SLC29A3: variants seen among roughly 807,000 people sequenced by gnomAD.
SLC29A3 encodes the protein equilibrative nucleoside transporter 3.
SLC29A3 carries 18 observed loss-of-function variants against 25.4 expected under a neutral mutation model. The ratio of observed to expected loss-of-function variants is 0.71; its 90% CI spans 0.49 to 1.05. The LOEUF (loss-of-function observed/expected upper bound fraction) is 1.05, where lower values mean the gene tolerates loss of function less well. SLC29A3 is among the 50% of genes least tolerant of loss of function. SLC29A3 has a pLI of 0.00. For missense variants in SLC29A3, 586 were observed against 609.0 expected, an observed-to-expected ratio of 0.96 and a Z score of 0.40; for synonymous variants, 258 against 267.1, an observed-to-expected ratio of 0.97 and a Z score of 0.33.
intron 2 of SLC29A3, among the ~76,000 whole-genome samples, chr10:71,336,425 A>G (rs1205071798): frequency 1.3e-5 from 2 of 151,996 alleles, no homozygotes; most frequent in Admixed American, 1.3e-4. Context: ...GGCTGCGAGG[A>G]GGACGCTGAG....
chr10:71,359,506 C>T (rs1445403774), intron 5 of SLC29A3, among the ~76,000 whole-genome samples: 4 of 152,172 alleles, frequency 2.6e-5, no homozygotes, highest in African/African-American at 9.7e-5. Context: ...TAAGAATATT[C>T]CTTTCCGTAG....
At chr10:71,341,095 C>T (rs1846393608) in intron 2 of SLC29A3, among the ~76,000 whole-genome samples, 1 of 152,176 alleles carries the variant, frequency 6.6e-6, no homozygotes, top group African/African-American at 2.4e-5. Context: ...CAGCTCCTGC[C>T]TCTCATTGGT....
chr10:71,357,190 C>T (rs1055151168), intron 5 of SLC29A3, among the ~76,000 whole-genome samples: 3 of 152,078 alleles, frequency 2.0e-5, no homozygotes, highest in South Asian at 2.1e-4. Context: ...CAAGGCAGGC[C>T]GGATCATCAG....
In SLC29A3 at chr10:71,334,621, G is replaced by A. The variant is rs541667301; in HGVS notation, c.301-9588G>A. Among the ~76,000 whole-genome samples, 4 of 152,328 alleles carry A rather than the reference G, an allele frequency of 2.6e-5. No homozygotes were observed. In the South Asian group the frequency reaches 8.3e-4, roughly 32 times the overall value. On this transcript the variant is annotated intron_variant, in intron 2 of 5. Coordinates refer to ENST00000373189, the MANE Select transcript of SLC29A3 (RefSeq NM_018344.6). ...CGAGCTCAGTAAATATTTGCAGAAGGATGAATCCATCTCTGAGTATTTGTG... is the reference window on the plus strand; with the variant it reads ...CGAGCTCAGTAAATATTTGCAGAAGAATGAATCCATCTCTGAGTATTTGTG...
intron 2 of SLC29A3, 150 bp from the exon 3 acceptor site, chr10:71,344,059 C>A: frequency 1.4e-6 from 1 of 715,694 alleles, no homozygotes; most frequent in Non-Finnish European, 2.5e-6. Context: ...GGGGTGGGGC[C>A]TTGTTTGGAG....
chr10:71,361,902 G>T, intron 5 of SLC29A3, 52 bp from the exon 6 acceptor site: 1 of 1,608,178 alleles, frequency 6.2e-7, no homozygotes, highest in South Asian at 1.1e-5. Flanking sequence ...TGGCTGTGCT[G>T]ACTCAGATCC....
At chr10:71,342,383 G>A (rs1846432741) in intron 2 of SLC29A3, among the ~76,000 whole-genome samples, 1 of 152,164 alleles carries the variant, frequency 6.6e-6, no homozygotes, top group South Asian at 2.1e-4. Flanking sequence ...AGAGAAATGG[G>A]CCCAGACAAC....
downstream of SLC29A3, among the ~76,000 whole-genome samples, chr10:71,367,628 G>T (rs77870191): frequency 3.3e-5 from 5 of 152,202 alleles, no homozygotes; most frequent in Non-Finnish European, 7.3e-5. Flanking sequence ...GGCAGCCTCA[G>T]CCTGAGATGG....
At chr10:71,358,795 G>C (rs905036228) in intron 5 of SLC29A3, among the ~76,000 whole-genome samples, 3 of 152,246 alleles carry the variant, frequency 2.0e-5, no homozygotes, top group African/African-American at 2.4e-5. Context: ...GGCAAACCAG[G>C]ATGGTTGGTC....
chr10:71,355,416 C>T (rs1363920310), intron 4 of SLC29A3, among the ~76,000 whole-genome samples: 1 of 152,186 alleles, frequency 6.6e-6, no homozygotes, highest in Non-Finnish European at 1.5e-5. Context: ...TGGTTGCGTG[C>T]TTGTGTGTGC....
At chr10:71,370,419 C>T (rs1201494699) in intron 3 of SLC29A3, among the ~76,000 whole-genome samples, 2 of 152,234 alleles carry the variant, frequency 1.3e-5, no homozygotes, top group Admixed American at 1.3e-4. Context: ...TGTAAACCAG[C>T]TGGCACCAGG....
At chr10:71,324,822 A>G (rs987162843) in intron 2 of SLC29A3, among the ~76,000 whole-genome samples, 1 of 152,110 alleles carries the variant, frequency 6.6e-6, no homozygotes, top group Admixed American at 6.5e-5. Flanking sequence ...GATGCTGGCT[A>G]ATCTGACTTT....
chr10:71,332,672 T>A (rs746396920), intron 2 of SLC29A3, among the ~76,000 whole-genome samples: 1 of 152,216 alleles, frequency 6.6e-6, no homozygotes, highest in Non-Finnish European at 1.5e-5. Flanking sequence ...GGATGACTGC[T>A]CTACACCATT....
At position 71,328,449 on chromosome 10, in the gene SLC29A3, C is replaced by G. The variant is rs929987402; in HGVS notation, c.300+5395C>G. Among the ~76,000 whole-genome samples, 4 of 152,196 alleles carry G rather than the reference C, an allele frequency of 2.6e-5. No homozygotes were observed. In the East Asian group the frequency reaches 7.7e-4, roughly 29 times the overall value. ...CGCTGGCTGGGTGGGAGCTCCTGCTCTCAGCACTTTGCCTGCATTATCTCA... is the reference window on the plus strand; with the variant it reads ...CGCTGGCTGGGTGGGAGCTCCTGCTGTCAGCACTTTGCCTGCATTATCTCA... On this transcript the variant is annotated intron_variant, in intron 2 of 5. Coordinates refer to ENST00000373189, the MANE Select transcript of SLC29A3 (RefSeq NM_018344.6).
rs180700372 is a variant in SLC29A3, at chr10:71,338,706, A to G, written c.301-5503A>G. Among the ~76,000 whole-genome samples, 4 of 152,272 alleles carry G rather than the reference A, an allele frequency of 2.6e-5. No individual in the cohort carries two copies. The East Asian group carries it at 7.7e-4, about 29-fold the overall frequency. ...CAGGAGGCGGAGGTTGCAGTCAGCCAGGATCATGCCACTGCACTCCAGCCT... is the reference window on the plus strand; with the variant it reads ...CAGGAGGCGGAGGTTGCAGTCAGCCGGGATCATGCCACTGCACTCCAGCCT... On this transcript the variant is annotated intron_variant, in intron 2 of 5. Transcript: ENST00000373189.
chr10:71,338,596 A>G (rs150958516), intron 2 of SLC29A3, among the ~76,000 whole-genome samples: 1 of 152,066 alleles, frequency 6.6e-6, no homozygotes, highest in African/African-American at 2.4e-5. Flanking sequence ...TGTCTCTACT[A>G]AAAATACAAA....
chr10:71,377,469 A>G (rs1255025794), intron 4 of SLC29A3, among the ~76,000 whole-genome samples: 1 of 150,144 alleles, frequency 6.7e-6, no homozygotes, highest in Non-Finnish European at 1.5e-5. Flanking sequence ...ACCGGCCACG[A>G]AATAGATGGC....
intron 3 of SLC29A3, 77 bp downstream of exon 3, chr10:71,344,368 C>CT (rs1416847890): frequency 5.2e-6 from 6 of 1,145,632 alleles, no homozygotes; most frequent in Middle Eastern, 1.9e-4. Context: ...CCTGCAGCTG[C>CT]TTTTTTTCTG....
At position 71,362,785 on chromosome 10, in the gene SLC29A3, C is replaced by T; in HGVS notation, c.*177C>T. On this transcript the variant is annotated 3_prime_UTR_variant, in exon 6 of 6. Coordinates refer to ENST00000373189, the MANE Select transcript of SLC29A3 (RefSeq NM_018344.6). The stretch of plus-strand genomic sequence containing the variant: ...GAGCCACGTCCATGCCCATTCCGTG[C>T]AAGGCAGATATTCCAGTCATATTAA... The T allele has an allele frequency of 1.3e-6, 1 of 770,564 alleles. No homozygotes were observed. Among genetic ancestry groups the T allele is most frequent in the Non-Finnish European group, 2.2e-6 (1 of 449,222 alleles). 47.7% of individuals were successfully genotyped at this position (770,564 alleles called of 1,614,324 possible).
Sources: allele counts gnomAD v4.1 joint callset (sites outside exome capture counted in the v4.1 genomes callset), GRCh38; gene constraint gnomAD v4.1.1; transcripts MANE v1.5; gene names NCBI Gene and HGNC (gene_info 2026-07-23, HGNC 2026-07-21).